Variants in PRRT4 observed in about 807,000 individuals in gnomAD.
The protein encoded by PRRT4 is proline rich transmembrane protein 4.
PRRT4 carries 59 observed loss-of-function variants against 55.6 expected under a neutral mutation model. That is an observed-to-expected ratio of 1.06 (90% CI 0.86 to 1.32). The LOEUF is 1.32. Among genes scored for constraint, PRRT4 ranks in the 40% most tolerant of loss-of-function variants. The pLI is 0.00. For synonymous variants in PRRT4, 606 were observed against 601.8 expected (o/e 1.01, Z -0.10); for missense variants, 1,217 against 1,222.0 (o/e 1.00, Z 0.06).
chr7:128,355,275 G>T (rs1339588908), intron 4 of PRRT4, among the ~76,000 whole-genome samples: 2 of 152,164 alleles, frequency 1.3e-5, no homozygotes, highest in Non-Finnish European at 2.9e-5. Context: ...TCAGCTCACT[G>T]CAACCTCCAC....
rs1347173138 is a variant in PRRT4 at position 128,358,512 on chromosome 7, A to C, written c.877+169T>G. Among the ~76,000 whole-genome samples the C allele has an allele frequency of 1.3e-5, 2 of 152,216 alleles. No homozygotes were observed. Among genetic ancestry groups the C allele is most frequent in the Non-Finnish European group, 2.9e-5 (2 of 68,038 alleles). On this transcript the variant is annotated intron_variant, in intron 4 of 4. Coordinates refer to ENST00000535159, the Ensembl canonical transcript of PRRT4. This position sits in a 1 kb window ranked among gnomAD's most constrained non-coding sequence, Gnocchi z 4.4. ...ACTCTGTGTGGGACTTTCTCCAGCA[A>C]TACTTTCTCTCAGACCATTCATATA...
At position 128,351,998 on chromosome 7, in the gene PRRT4, CCCAGCAGGAGAGCG is replaced by C; in HGVS notation, c.1544_1557del (p.Ala515GlyfsTer59). ...GCCCCGGCCCGCCGCCGCCGCCCGCCCCAGCAGGAGAGCGCCAGCAGCAGCCCGGAAAGGAAAGC... is the reference window on the plus strand; with the variant it reads ...GCCCCGGCCCGCCGCCGCCGCCCGCCCCAGCAGCAGCCCGGAAAGGAAAGC... On this transcript the variant is annotated frameshift_variant, in exon 5 of 5. Coordinates refer to ENST00000535159, the Ensembl canonical transcript of PRRT4. LOFTEE classifies it high-confidence loss of function. 7.6e-7 allele frequency: 1 copy of C among 1,314,362 alleles called. No individual in the cohort carries two copies. Among genetic ancestry groups the C allele is most frequent in the Non-Finnish European group, 9.7e-7 (1 of 1,028,942 alleles). The allele number at this position is 1,314,362 out of a possible 1,614,324, so 81.4% of individuals were successfully genotyped here.
Position 128,359,874 on chromosome 7 carries a change from C to T in PRRT4, c.118G>A (p.Val40Ile), listed in dbSNP as rs185604453. 75 of 1,422,398 alleles carry T rather than the reference C, an allele frequency of 5.3e-5. 1 individual carries two copies. Among genetic ancestry groups the T allele is most frequent in the South Asian group, 2.6e-4 (18 of 69,568 alleles). 88.1% of individuals were successfully genotyped at this position (1,422,398 alleles called of 1,614,324 possible). ...AGCATAGAGGCCTCACTTTGAGGTA[C>T]GGGGGTCAAAGTGGTGGCAGGGGCA... is the stretch of plus-strand genomic sequence containing the variant. Residue 40 changes from valine (V) to isoleucine (I), a missense_variant, in exon 2 of 5, where the codon GTA becomes ATA. Transcript: ENST00000535159.
exon 5 of PRRT4, chr7:128,351,567 C>G: frequency 6.7e-7 from 1 of 1,499,940 alleles, no homozygotes; most frequent in Non-Finnish European, 8.8e-7. Context: ...TGGCGCTCCC[C>G]AGGGGCTCCT....
chr7:128,357,051 T>C (rs756336496), intron 4 of PRRT4, among the ~76,000 whole-genome samples: 4 of 152,148 alleles, frequency 2.6e-5, no homozygotes, highest in African/African-American at 4.8e-5. Context: ...ACTTGATAAC[T>C]GTTCTGGTAT....
chr7:128,354,569 AAACAC>A (rs1276264928), intron 4 of PRRT4, among the ~76,000 whole-genome samples: 2 of 130,498 alleles, frequency 1.5e-5, no homozygotes, highest in Non-Finnish European at 3.1e-5. Context: ...GGCTCAAAAA[AAACAC>A]ACACACACAC....
chr7:128,359,102 G>T, intron 3 of PRRT4, 47 bp downstream of exon 4: 1 of 1,524,040 alleles, frequency 6.6e-7, no homozygotes, highest in Non-Finnish European at 8.9e-7. Flanking sequence ...ACAGCGCTTG[G>T]CACGTAGAGT....
At chr7:128,352,608 C>A in exon 5 of PRRT4, 1 of 1,542,924 alleles carries the variant, frequency 6.5e-7, no homozygotes, top group Non-Finnish European at 8.7e-7. Context: ...CACACTCTGG[C>A]TGCCCCGAAG....
At position 128,358,907 on chromosome 7, in the gene PRRT4, A is replaced by T; in HGVS notation, c.758-107T>A. The T allele has an allele frequency of 6.9e-7, 1 of 1,452,090 alleles. No homozygotes were observed. Among genetic ancestry groups the T allele is most frequent in the Non-Finnish European group, 9.1e-7 (1 of 1,100,964 alleles). The allele number at this position is 1,452,090 out of a possible 1,614,324, so 90.0% of individuals were successfully genotyped here. The stretch of plus-strand genomic sequence containing the variant: ...CCCCAGAGTTTGTCCTAAGGAAGTC[A>T]CTGTCCCAGGAATTGTAGCCACATG... On this transcript the variant is annotated intron_variant, in intron 3 of 4. Coordinates refer to ENST00000535159, the Ensembl canonical transcript of PRRT4. The surrounding 1 kb of genome is among the most constrained non-coding windows in gnomAD (Gnocchi z 4.4).
exon 5 of PRRT4, chr7:128,352,451 C>G: frequency 1.3e-6 from 2 of 1,539,010 alleles, no homozygotes; most frequent in South Asian, 2.4e-5. Flanking sequence ...GCGCCTACCC[C>G]GTACACGTGG....
rs1797165331 is a variant in PRRT4 at position 128,358,628 on chromosome 7, T to C, written c.877+53A>G. 1.4e-6 allele frequency: 2 copies of C among 1,465,624 alleles called. No individual in the cohort carries two copies. The highest frequency in any genetic ancestry group is 2.0e-5 in the Admixed American group (1 of 50,786). The allele number at this position is 1,465,624 out of a possible 1,614,324, so 90.8% of individuals were successfully genotyped here. On this transcript the variant is annotated intron_variant, in intron 4 of 4. Coordinates refer to ENST00000535159, the Ensembl canonical transcript of PRRT4. The surrounding 1 kb of genome is among the most constrained non-coding windows in gnomAD (Gnocchi z 4.4). Reference sequence around the variant, plus strand: ...CCAGAACACTGATGAGTGACTAGCATGTAGTAAGTGCTCAATAAATAATTG... The same window carrying C: ...CCAGAACACTGATGAGTGACTAGCACGTAGTAAGTGCTCAATAAATAATTG...
intron 4 of PRRT4, among the ~76,000 whole-genome samples, chr7:128,354,898 C>T (rs1009579299): frequency 6.6e-6 from 1 of 152,166 alleles, no homozygotes; most frequent in African/African-American, 2.4e-5. Flanking sequence ...AATGAGACAA[C>T]GTGTGTAAAA....
chr7:128,359,891 G>C, exon 2 of PRRT4: 1 of 1,462,544 alleles, frequency 6.8e-7, no homozygotes, highest in Non-Finnish European at 9.1e-7. Flanking sequence ...CAAAGTGGTG[G>C]CAGGGGCACC....
At position 128,358,963 on chromosome 7, in the gene PRRT4, C is replaced by A. The variant is rs546919323; in HGVS notation, c.758-163G>T. Among the ~76,000 whole-genome samples the A allele has an allele frequency of 3.3e-5, 5 of 152,236 alleles. No individual in the cohort carries two copies. In the South Asian group the frequency reaches 1.0e-3, roughly 32 times the overall value. On this transcript the variant is annotated intron_variant, in intron 3 of 4. Coordinates refer to ENST00000535159, the Ensembl canonical transcript of PRRT4. This position sits in a 1 kb window ranked among gnomAD's most constrained non-coding sequence, Gnocchi z 4.4. Reference sequence around the variant, plus strand: ...CTCATGTACACCATGAGCTAAGCTACAAAGAGCAAACCAGATTCAGTATGG... The same window carrying A: ...CTCATGTACACCATGAGCTAAGCTAAAAAGAGCAAACCAGATTCAGTATGG...
exon 5 of PRRT4, chr7:128,352,478 C>T (rs1341328897): frequency 6.5e-7 from 1 of 1,540,364 alleles, no homozygotes; most frequent in African/African-American, 1.4e-5. Flanking sequence ...CAGGCCAGCC[C>T]CCAGCGAGCC....
chr7:128,351,386 A>G, exon 5 of PRRT4: 1 of 1,543,382 alleles, frequency 6.5e-7, no homozygotes, highest in Non-Finnish European at 8.7e-7. Context: ...TTGATTGGGG[A>G]GGGCGGGCGG....
At position 128,351,641 on chromosome 7, in the gene PRRT4, G is replaced by A. The variant is rs1241435114; in HGVS notation, c.1915C>T (p.Arg639Cys). 10 of 1,515,578 alleles carry A rather than the reference G, an allele frequency of 6.6e-6. No individual in the cohort carries two copies. The highest frequency in any genetic ancestry group is 8.8e-6 in the Non-Finnish European group (10 of 1,139,614). 93.9% of individuals were successfully genotyped at this position (1,515,578 alleles called of 1,614,324 possible). Residue 639 changes from arginine to cysteine, a missense_variant, in exon 5 of 5, where the codon CGC (arginine) becomes TGC (cysteine). Physicochemically the swap from Arg to Cys is radical, Grantham distance 180. Around this residue, in one of 3 missense-constraint regions of PRRT4, gnomAD observed 642 missense variants for 600.9 expected, o/e 1.07. Coordinates refer to ENST00000535159, the Ensembl canonical transcript of PRRT4. Reference sequence around the variant, plus strand: ...GGAGCCGCGTGGCCCGGGGACAAGCGGAAGAGCTTGGCCCAGCAGCGCGGC... The same window carrying A: ...GGAGCCGCGTGGCCCGGGGACAAGCAGAAGAGCTTGGCCCAGCAGCGCGGC...
At chr7:128,351,496 A>T in exon 5 of PRRT4, 2 of 1,515,464 alleles carry the variant, frequency 1.3e-6, no homozygotes, top group Non-Finnish European at 1.8e-6. Flanking sequence ...CTGGAGTAGG[A>T]GGTCTGGGCC....
chr7:128,351,783 C>T, exon 5 of PRRT4: 1 of 1,425,648 alleles, frequency 7.0e-7, no homozygotes, highest in Non-Finnish European at 9.1e-7. Context: ...AGGGCCCTTC[C>T]AGGCCGGATT....
Sources: allele counts gnomAD v4.1 joint callset (sites outside exome capture counted in the v4.1 genomes callset), GRCh38; gene constraint gnomAD v4.1.1; regional missense constraint gnomAD v4.1.1; non-coding constraint Gnocchi (gnomAD v3.1); transcripts MANE v1.5; gene names NCBI Gene and HGNC (gene_info 2026-07-23, HGNC 2026-07-21).